Variants in DCDC1 observed in about 807,000 individuals in gnomAD.
The protein encoded by DCDC1 is doublecortin domain-containing protein 1.
In DCDC1, 200 loss-of-function variants were observed where a neutral mutation model predicts 178.3. The observed-to-expected ratio is 1.12, with a 90% confidence interval of 1.00 to 1.26. The LOEUF (loss-of-function observed/expected upper bound fraction) is 1.26, where lower values mean the gene tolerates loss of function less well. Ranked by LOEUF, DCDC1 falls within the 50% of genes most tolerant of loss-of-function variation. DCDC1 has a pLI of 0.00. For synonymous variants in DCDC1, 690 were observed against 604.8 expected, an observed-to-expected ratio of 1.14 and a Z score of -2.07; for missense variants, 1,983 against 1,749.2, an observed-to-expected ratio of 1.13 and a Z score of -2.38.
At chr11:30,937,290 G>A (rs192958675) in intron 21 of DCDC1, among the ~76,000 whole-genome samples, 88 of 152,076 alleles carry the variant, frequency 5.8e-4, no homozygotes, top group African/African-American at 1.7e-3. Context: ...AGGGAGGAGC[G>A]AGCCACCCCA....
rs1940799327 is a variant in DCDC1, at chr11:30,863,686, G to A, written c.*1687C>T. 6.6e-6 allele frequency: 1 copy of A among 152,180 alleles called. No individual in the cohort carries two copies. Among genetic ancestry groups the A allele is most frequent in the Admixed American group, 6.5e-5 (1 of 15,282 alleles). The allele number at this position is 152,180 out of a possible 1,614,324, so 9.4% of individuals were successfully genotyped here. ...AGAGAAAGTTAGAATCACTTCATCT[G>A]ACGCGTATTTAGAAATCATCCATTT... On this transcript the variant is annotated 3_prime_UTR_variant, in exon 39 of 39. Transcript: ENST00000684477.
At chr11:31,356,373 G>A (rs571916984) in intron 1 of DCDC1, among the ~76,000 whole-genome samples, 27 of 152,232 alleles carry the variant, frequency 1.8e-4, no homozygotes, top group African/African-American at 5.3e-4. Context: ...AAATAAAGAT[G>A]TTCTTTGAAA....
intron 8 of DCDC1, among the ~76,000 whole-genome samples, chr11:31,264,038 T>A (rs1944975320): frequency 6.6e-6 from 1 of 152,234 alleles, no homozygotes; most frequent in African/African-American, 2.4e-5. Context: ...TCATAACTTT[T>A]TTCTTGCCTG....
At chr11:30,873,791 G>A (rs1941863932) in intron 38 of DCDC1, among the ~76,000 whole-genome samples, 1 of 152,116 alleles carries the variant, frequency 6.6e-6, no homozygotes, top group Admixed American at 6.6e-5. Flanking sequence ...CCAGGAAGCT[G>A]GTTATTTTCC....
At chr11:31,024,790 C>T (rs1173392867) in intron 20 of DCDC1, among the ~76,000 whole-genome samples, 4 of 151,792 alleles carry the variant, frequency 2.6e-5, no homozygotes, top group African/African-American at 9.7e-5. Flanking sequence ...AAGCAAGTTC[C>T]CATACTATTA....
intron 36 of DCDC1, among the ~76,000 whole-genome samples, chr11:30,885,599 T>C (rs1943092627): frequency 6.6e-6 from 1 of 152,196 alleles, no homozygotes; most frequent in East Asian, 1.9e-4. Context: ...CAACAAGTAA[T>C]TAAAAATATA....
chr11:31,175,464 C>T (rs1967880061), intron 9 of DCDC1, among the ~76,000 whole-genome samples: 1 of 152,214 alleles, frequency 6.6e-6, no homozygotes, highest in Non-Finnish European at 1.5e-5. Flanking sequence ...GCCTCACCCA[C>T]ACACACACCC....
intron 36 of DCDC1, among the ~76,000 whole-genome samples, chr11:30,885,298 A>G (rs1020918986): frequency 6.6e-6 from 1 of 151,902 alleles, no homozygotes; most frequent in African/African-American, 2.4e-5. Context: ...TAGATGAAAA[A>G]GCAGGTGAAT....
intron 9 of DCDC1, among the ~76,000 whole-genome samples, chr11:31,173,198 A>G (rs1967488260): frequency 6.6e-6 from 1 of 152,244 alleles, no homozygotes; most frequent in Non-Finnish European, 1.5e-5. Context: ...AATCAAAGAA[A>G]GTAAATTTAC....
intron 20 of DCDC1, among the ~76,000 whole-genome samples, chr11:31,032,774 TTTC>T (rs1565202779): frequency 6.6e-6 from 1 of 152,110 alleles, no homozygotes; most frequent in African/African-American, 2.4e-5. Flanking sequence ...TTCTTTTCCT[TTTC>T]TTATTTTAAT....
At chr11:31,140,763 GA>G (rs567628434) in intron 9 of DCDC1, among the ~76,000 whole-genome samples, 5 of 151,980 alleles carry the variant, frequency 3.3e-5, no homozygotes, top group East Asian at 1.9e-4. Flanking sequence ...GAAACTAAGG[GA>G]AAAAAATCCA....
At chr11:31,086,965 T>A (rs1015445046) in intron 17 of DCDC1, among the ~76,000 whole-genome samples, 14 of 152,276 alleles carry the variant, frequency 9.2e-5, no homozygotes, top group African/African-American at 2.9e-4. Flanking sequence ...TTGGTATTAT[T>A]TTTCCTAAAA....
At position 31,328,077 on chromosome 11, in the gene DCDC1, C is replaced by T. The variant is rs192576451; in HGVS notation, c.164+40G>A. ...TACTTTCTATAAACACTTTTATCCCCTTCAGTATTTAGTTTAAGCTGCTGA... is the reference window on the plus strand; with the variant it reads ...TACTTTCTATAAACACTTTTATCCCTTTCAGTATTTAGTTTAAGCTGCTGA... On this transcript the variant is annotated intron_variant, in intron 3 of 38. Transcript: ENST00000684477. The T allele has an allele frequency of 9.2e-5, 143 of 1,550,556 alleles. No homozygotes were observed. The Admixed American group carries it at 2.6e-3, about 28-fold the overall frequency.
intron 19 of DCDC1, 126 bp from the exon 20 acceptor site, chr11:31,064,752 C>A (rs2135486871): frequency 1.6e-6 from 1 of 609,270 alleles, no homozygotes; most frequent in East Asian, 2.7e-5. Context: ...ACACATAAGT[C>A]CTTTGTACGT....
In DCDC1 at chr11:30,886,286, A is replaced by G. The variant is rs533591435; in HGVS notation, c.5083-4978T>C. ...AATAGAAAACAGAATAAATGTTATT[A>G]AGATAATAAAAAAATTCATAGAGAT... On this transcript the variant is annotated intron_variant, in intron 36 of 38. Transcript: ENST00000684477. Among the ~76,000 whole-genome samples the G allele has an allele frequency of 1.4e-4, 21 of 152,332 alleles. No homozygotes were observed. The South Asian group carries it at 3.9e-3, about 29-fold the overall frequency.
At chr11:31,152,351 A>G (rs2136105060) in intron 9 of DCDC1, among the ~76,000 whole-genome samples, 1 of 152,304 alleles carries the variant, frequency 6.6e-6, no homozygotes, top group East Asian at 1.9e-4. Context: ...GAGATAGAGT[A>G]TAGTTGTATT....
intron 20 of DCDC1, among the ~76,000 whole-genome samples, chr11:30,962,854 T>C (rs777642732): frequency 6.6e-6 from 1 of 152,200 alleles, no homozygotes; most frequent in Non-Finnish European, 1.5e-5. Context: ...TTATCTCCCA[T>C]AGTCAGAGTT....
Position 31,306,394 on chromosome 11 carries a change from GA to G in DCDC1, c.435-7del. 6.3e-7 allele frequency: 1 copy of G among 1,576,092 alleles called. No homozygotes were observed. ...AAGAAGAGAACTCTGCAACCCTGAA[GA>G]AAAAGAAAAACAGAAAAATTGATGC... is the stretch of plus-strand genomic sequence containing the variant. On this transcript the variant is annotated splice_polypyrimidine_tract_variant and splice_region_variant and intron_variant, in intron 4 of 38. Transcript: ENST00000684477.
intron 12 of DCDC1, among the ~76,000 whole-genome samples, chr11:31,107,343 C>A (rs1032163295): frequency 1.3e-4 from 20 of 152,158 alleles, no homozygotes; most frequent in African/African-American, 4.6e-4. Context: ...TTCCAGACCA[C>A]GTTCAAGTTT....
Sources: allele counts gnomAD v4.1 joint callset (sites outside exome capture counted in the v4.1 genomes callset), GRCh38; gene constraint gnomAD v4.1.1; transcripts MANE v1.5; gene names NCBI Gene and HGNC (gene_info 2026-07-23, HGNC 2026-07-21).